The following CDK14 variants were observed in gnomAD, a reference collection of about 807,000 sequenced individuals.
CDK14 encodes cyclin-dependent kinase 14.
CDK14 carries 34 observed loss-of-function variants against 60.7 expected under a neutral mutation model. The observed-to-expected ratio is 0.56, with a 90% CI of 0.43 to 0.75. The LOEUF is 0.75. Among genes scored for constraint, CDK14 ranks in the 30% least tolerant of loss-of-function variants. The pLI, the probability that CDK14 is intolerant of heterozygous loss-of-function variation, is 0.00. For synonymous variants in CDK14, 197 were observed against 203.7 expected (o/e 0.97, Z 0.28); for missense variants, 482 against 564.1 (o/e 0.85, Z 1.47).
chr7:90,705,407 G>A (rs74969944), intron 2 of CDK14, among the ~76,000 whole-genome samples: 4,965 of 151,940 alleles, frequency 0.033, 126 homozygotes, highest in East Asian at 0.076. Context: ...TTTTTTCCAG[G>A]TTTTAAAAAA....
intron 10 of CDK14, among the ~76,000 whole-genome samples, chr7:91,032,126 G>A (rs916857379): frequency 6.6e-6 from 1 of 152,186 alleles, no homozygotes; most frequent in Admixed American, 6.5e-5. Context: ...CACCTAGGCA[G>A]GGTCCCCTCT....
intron 2 of CDK14, among the ~76,000 whole-genome samples, chr7:90,698,067 CAAAAAAA>C (rs71104484): frequency 5.3e-5 from 4 of 75,736 alleles, no homozygotes; most frequent in Admixed American, 3.8e-4. Flanking sequence ...GACTCTGTCT[CAAAAAAA>C]AAAAAAAAAA....
intron 10 of CDK14, among the ~76,000 whole-genome samples, chr7:91,028,818 G>A (rs1325959281): frequency 6.6e-6 from 1 of 151,816 alleles, no homozygotes; most frequent in Non-Finnish European, 1.5e-5. Flanking sequence ...CTGTCTTGTT[G>A]GAGTTTCTTA....
At chr7:90,789,276 A>G (rs1287868749) in intron 4 of CDK14, among the ~76,000 whole-genome samples, 1 of 152,178 alleles carries the variant, frequency 6.6e-6, no homozygotes, top group Non-Finnish European at 1.5e-5. Context: ...AATTTATGTC[A>G]CCAAAATATG....
chr7:90,844,133 G>A (rs1790386753), intron 5 of CDK14, among the ~76,000 whole-genome samples: 1 of 152,200 alleles, frequency 6.6e-6, no homozygotes, highest in Admixed American at 6.5e-5. Flanking sequence ...TAGCCAGAAA[G>A]ATTTTGAAAA....
intron 2 of CDK14, among the ~76,000 whole-genome samples, chr7:90,652,176 T>C (rs996975933): frequency 6.6e-6 from 1 of 152,202 alleles, no homozygotes; most frequent in South Asian, 2.1e-4. Context: ...CTCATTTTCT[T>C]ATTATCCCCA....
chr7:90,969,128 C>T (rs1379799989), intron 9 of CDK14, among the ~76,000 whole-genome samples: 1 of 152,126 alleles, frequency 6.6e-6, no homozygotes, highest in Non-Finnish European at 1.5e-5. Context: ...AAAAATGGAC[C>T]CTGTTAATCT....
intron 2 of CDK14, among the ~76,000 whole-genome samples, chr7:90,695,625 G>A (rs1801640349): frequency 6.6e-6 from 1 of 152,156 alleles, no homozygotes; most frequent in Admixed American, 6.6e-5. Context: ...AGCAAGGAAA[G>A]GGGAAAAACG....
At chr7:91,059,421 C>T (rs1462368444) in intron 11 of CDK14, among the ~76,000 whole-genome samples, 3 of 151,942 alleles carry the variant, frequency 2.0e-5, no homozygotes, top group Non-Finnish European at 2.9e-5. Flanking sequence ...CTGCTCTGAT[C>T]TTAGTTATTT....
At chr7:90,929,305 T>C (rs1793518672) in intron 8 of CDK14, among the ~76,000 whole-genome samples, 1 of 152,222 alleles carries the variant, frequency 6.6e-6, no homozygotes, top group Non-Finnish European at 1.5e-5. Context: ...TGCTGGGAGC[T>C]GCAGACTGGA....
intron 2 of CDK14, among the ~76,000 whole-genome samples, chr7:90,687,530 A>C (rs1233980096): frequency 6.6e-6 from 1 of 152,124 alleles, no homozygotes; most frequent in Non-Finnish European, 1.5e-5. Context: ...GTAGTACTGA[A>C]AGGAGAAATA....
intron 3 of CDK14, among the ~76,000 whole-genome samples, chr7:90,732,082 C>A (rs1010152891): frequency 2.5e-4 from 38 of 152,138 alleles, no homozygotes; most frequent in Non-Finnish European, 1.3e-4. Context: ...GCCCTTTCTG[C>A]ATCTTTTGAG....
intron 4 of CDK14, among the ~76,000 whole-genome samples, chr7:90,766,010 T>C (rs1209317044): frequency 1.3e-5 from 2 of 152,072 alleles, no homozygotes; most frequent in Non-Finnish European, 2.9e-5. Context: ...GCTCTTTTTA[T>C]TGTCGGCTTC....
At chr7:90,612,216 A>G (rs949753201) in intron 2 of CDK14, among the ~76,000 whole-genome samples, 2 of 152,144 alleles carry the variant, frequency 1.3e-5, no homozygotes, top group African/African-American at 4.8e-5. Flanking sequence ...ACTTTTACCT[A>G]TTTTAGTTCA....
rs1799668000 is a variant in CDK14, at chr7:91,118,185, C to A, written c.*5C>A. The stretch of plus-strand genomic sequence containing the variant: ...CTATCAAACAGCAAGCACTGACAAG[C>A]AGCACATTCTCAAGAGCACACAGGT... On this transcript the variant is annotated 3_prime_UTR_variant, in exon 14 of 15. Coordinates refer to ENST00000380050, the MANE Select transcript of CDK14 (RefSeq NM_001287135.2). 13 of 1,569,814 alleles carry A rather than the reference C, an allele frequency of 8.3e-6. No individual in the cohort carries two copies. The highest frequency in any genetic ancestry group is 1.1e-5 in the Non-Finnish European group (13 of 1,140,344).
At position 90,647,578 on chromosome 7, in the gene CDK14, G is replaced by T. The variant is rs191534426; in HGVS notation, c.123+43329G>T. Among the ~76,000 whole-genome samples the T allele has an allele frequency of 1.1e-3, 169 of 151,878 alleles. 3 individuals carry two copies. Among genetic ancestry groups the T allele is most frequent in the South Asian group, 7.5e-3 (36 of 4,828 alleles). On this transcript the variant is annotated intron_variant, in intron 2 of 14. Transcript: ENST00000380050. ...AGGTGTTGGTAAAGTTGTTTGGCGAGTTAAAACTTCATGGGCAACTAATTC... is the reference window on the plus strand; with the variant it reads ...AGGTGTTGGTAAAGTTGTTTGGCGATTTAAAACTTCATGGGCAACTAATTC...
At chr7:90,635,610 A>G (rs1427606082) in intron 2 of CDK14, among the ~76,000 whole-genome samples, 14 of 152,038 alleles carry the variant, frequency 9.2e-5, no homozygotes, top group African/African-American at 2.2e-4. Flanking sequence ...TTGACTTGGC[A>G]ATGCGGGCTC....
intron 9 of CDK14, among the ~76,000 whole-genome samples, chr7:90,962,001 A>C (rs1011677650): frequency 6.6e-6 from 1 of 152,258 alleles, no homozygotes; most frequent in East Asian, 1.9e-4. Context: ...TTTAATTCAC[A>C]CTAAGGACTA....
chr7:90,875,505 T>A (rs1433222463), intron 6 of CDK14, among the ~76,000 whole-genome samples: 1 of 152,102 alleles, frequency 6.6e-6, no homozygotes, highest in Non-Finnish European at 1.5e-5. Flanking sequence ...TATTTACACT[T>A]GGCAACACTT....
Sources: gnomAD v4.1 joint callset for allele counts (sites outside exome capture counted in the v4.1 genomes callset) on GRCh38, gnomAD v4.1.1 for gene constraint, MANE v1.5 for transcripts, NCBI Gene and HGNC (gene_info 2026-07-23, HGNC 2026-07-21) for gene names.